UGT1A10: variants seen among roughly 807,000 people sequenced by gnomAD.
UGT1A10 encodes UDP glucuronosyltransferase family 1 member A10.
UGT1A10 carries 49 observed loss-of-function variants against 45.8 expected under a neutral mutation model. The observed-to-expected ratio is 1.07, with a 90% CI of 0.85 to 1.36. The LOEUF (loss-of-function observed/expected upper bound fraction) is 1.36. UGT1A10 is among the 40% of genes most tolerant of loss of function. The probability of loss-of-function intolerance (pLI) is 0.00; values close to 1 mark genes in which losing one functional copy is unlikely to be tolerated. For missense variants in UGT1A10, 745 were observed against 668.6 expected (o/e 1.11, Z -1.26); for synonymous variants, 284 against 249.7 (o/e 1.14, Z -1.29).
intron 1 of UGT1A10, among the ~76,000 whole-genome samples, chr2:233,724,420 G>A (rs1396792043): frequency 4.4e-5 from 6 of 135,614 alleles, no homozygotes; most frequent in African/African-American, 1.4e-4. Flanking sequence ...GCTGCCGGGC[G>A]GAGAGGCTCC....
chr2:233,772,994 C>G lies in UGT1A10; in HGVS notation c.*435C>G, dbSNP rs1700561362. The G allele has an allele frequency of 1.2e-5, 3 of 254,612 alleles. No homozygotes were observed. Among genetic ancestry groups the G allele is most frequent in the Admixed American group, 5.0e-5 (1 of 19,886 alleles). The allele number at this position is 254,612 out of a possible 1,614,324, so 15.8% of individuals were successfully genotyped here. On this transcript the variant is annotated 3_prime_UTR_variant, in exon 5 of 5. Transcript: ENST00000344644. Reference sequence around the variant, plus strand: ...AACCAATAATGGTCAGTCCTCATCTCTGTCGTGCTTCATAGGTGCCACCTT... The same window carrying G: ...AACCAATAATGGTCAGTCCTCATCTGTGTCGTGCTTCATAGGTGCCACCTT...
At chr2:233,639,095 G>T (rs1337469752) in intron 1 of UGT1A10, among the ~76,000 whole-genome samples, 1 of 152,096 alleles carries the variant, frequency 6.6e-6, no homozygotes, top group Non-Finnish European at 1.5e-5. Flanking sequence ...GGCCTTTAAA[G>T]ATATAAAAAC....
rs1408103062 is a variant in UGT1A10 at position 233,767,311 on chromosome 2, TTTG to T, written c.987+154_987+156del. On this transcript the variant is annotated intron_variant, in intron 2 of 4. Coordinates refer to ENST00000344644, the MANE Select transcript of UGT1A10 (RefSeq NM_019075.4). The stretch of plus-strand genomic sequence containing the variant: ...CCCAACTATTAATCCAAAGGTTTTT[TTTG>T]TTGTTGTGGTTGTTGTCATTGTTTT... 34 of 1,514,266 alleles carry T rather than the reference TTTG, an allele frequency of 2.2e-5. No homozygotes were observed. In the African/African-American group the frequency reaches 2.9e-4, roughly 13 times the overall value. The allele number at this position is 1,514,266 out of a possible 1,614,324, so 93.8% of individuals were successfully genotyped here. A position where few individuals can be genotyped will look rare whatever the true frequency, so the allele number is the denominator to read the frequency against.
chr2:233,724,133 G>C (rs1298685512), intron 1 of UGT1A10, among the ~76,000 whole-genome samples: 1 of 34,684 alleles, frequency 2.9e-5, no homozygotes, highest in East Asian at 6.1e-4. Flanking sequence ...CTCACCTCCC[G>C]GACGGGGCGG....
rs192933567 is a variant in UGT1A10, at chr2:233,772,247, T to G, written c.1296-15T>G. On this transcript the variant is annotated splice_polypyrimidine_tract_variant and intron_variant, in intron 4 of 4. Transcript: ENST00000344644. ...ACAGGTGTTCCAGGCATAACGAAAC[T>G]GTCTTTGTGTTTAGTTACAAGGAGA... The G allele has an allele frequency of 2.9e-5, 47 of 1,614,208 alleles. No homozygotes were observed. The East Asian group carries it at 1.0e-3, about 35-fold the overall frequency.
chr2:233,750,986 G>T (rs1230774000), intron 1 of UGT1A10, among the ~76,000 whole-genome samples: 1 of 151,784 alleles, frequency 6.6e-6, no homozygotes, highest in Non-Finnish European at 1.5e-5. Flanking sequence ...TTGTGAGAAG[G>T]CGGCCACCAT....
Position 233,734,700 on chromosome 2 carries a change from T to TTG in UGT1A10, c.856-32334_856-32333insTG, listed in dbSNP as rs1319489997. Among the ~76,000 whole-genome samples the TTG allele has an allele frequency of 9.9e-3, 1,501 of 152,266 alleles. 21 individuals carry two copies. Among genetic ancestry groups the TTG allele is most frequent in the African/African-American group, 0.034 (1,432 of 41,556 alleles). ...ACTGATTTAAATGTGTCCCAGAGATTCTGGTATGTTGTGTCTTTGTTCTCG... is the reference window on the plus strand; with the variant it reads ...ACTGATTTAAATGTGTCCCAGAGATTTGCTGGTATGTTGTGTCTTTGTTCTCG... On this transcript the variant is annotated intron_variant, in intron 1 of 4. Coordinates refer to ENST00000344644, the MANE Select transcript of UGT1A10 (RefSeq NM_019075.4).
intron 1 of UGT1A10, among the ~76,000 whole-genome samples, chr2:233,738,047 C>A (rs1690670574): frequency 6.6e-6 from 1 of 152,068 alleles, no homozygotes; most frequent in Admixed American, 6.6e-5. Flanking sequence ...GTGTTGAGGA[C>A]AGGACATGGT....
At chr2:233,760,834 G>A in intron 1 of UGT1A10, 1 of 1,613,564 alleles carries the variant, frequency 6.2e-7, no homozygotes, top group Non-Finnish European at 8.5e-7. Flanking sequence ...GGAATTTGAG[G>A]CTACCCAGTG....
intron 1 of UGT1A10, chr2:233,747,639 G>A: frequency 6.3e-7 from 1 of 1,582,892 alleles, no homozygotes; most frequent in East Asian, 2.2e-5. Context: ...GCACCTGAAT[G>A]CTACTTCCTT....
At position 233,724,532 on chromosome 2, in the gene UGT1A10, G is replaced by A. The variant is rs1443471428; in HGVS notation, c.856-42502G>A. On this transcript the variant is annotated intron_variant, in intron 1 of 4. Transcript: ENST00000344644. ...CTCACCTCCCAGATGGGGTCTCGCCGGGCAGAGGCGCTCCTCACATCCCAG... is the reference window on the plus strand; with the variant it reads ...CTCACCTCCCAGATGGGGTCTCGCCAGGCAGAGGCGCTCCTCACATCCCAG... Among the ~76,000 whole-genome samples the A allele has an allele frequency of 4.9e-5, 6 of 123,286 alleles. No individual in the cohort carries two copies. In the East Asian group the frequency reaches 7.5e-4, roughly 15 times the overall value. 80.9% of individuals were successfully genotyped at this position (123,286 alleles called of 152,430 possible). A position where few individuals can be genotyped will look rare whatever the true frequency, so the allele number is the denominator to read the frequency against.
chr2:233,737,525 C>T (rs943562691), intron 1 of UGT1A10, among the ~76,000 whole-genome samples: 11 of 152,188 alleles, frequency 7.2e-5, no homozygotes, highest in African/African-American at 1.4e-4. Context: ...GGTGAGGCGA[C>T]GCCCTGCCCT....
chr2:233,673,182 C>G (rs920755799), intron 1 of UGT1A10, among the ~76,000 whole-genome samples: 3 of 152,082 alleles, frequency 2.0e-5, no homozygotes, highest in East Asian at 1.9e-4. Flanking sequence ...TATACAATAT[C>G]TAATGTAAAT....
chr2:233,768,258 T>C lies in UGT1A10; in HGVS notation c.1114T>C (p.Ser372Pro). 1 of 1,614,230 alleles carries C rather than the reference T, an allele frequency of 6.2e-7. No homozygotes were observed. The highest frequency in any genetic ancestry group is 8.5e-7 in the Non-Finnish European group (1 of 1,180,044). Residue 372 changes from serine (S) to proline (P), a missense_variant, in exon 4 of 5, where the codon TCC becomes CCC. By Grantham distance (74) the Ser-to-Pro change is moderately conservative. Coordinates refer to ENST00000344644, the MANE Select transcript of UGT1A10 (RefSeq NM_019075.4). ...MTRAFITHAG[S>P]HGVYESICNG... Reference sequence around the variant, plus strand: ...CCGTGCCTTTATCACCCATGCTGGTTCCCATGGTGTTTATGAAAGCATATG... The same window carrying C: ...CCGTGCCTTTATCACCCATGCTGGTCCCCATGGTGTTTATGAAAGCATATG...
intron 1 of UGT1A10, among the ~76,000 whole-genome samples, chr2:233,653,717 C>G (rs935970884): frequency 6.6e-6 from 1 of 152,186 alleles, no homozygotes; most frequent in Non-Finnish European, 1.5e-5. Context: ...CTGCCTCAGC[C>G]TCCTGGGTAG....
chr2:233,744,129 A>C (rs1002862654), intron 1 of UGT1A10: 5 of 357,290 alleles, frequency 1.4e-5, no homozygotes, highest in African/African-American at 1.1e-4. Flanking sequence ...AGGCTCTGTG[A>C]GGCCCTGTGA....
intron 1 of UGT1A10, among the ~76,000 whole-genome samples, chr2:233,700,981 G>C (rs1279444700): frequency 6.7e-6 from 1 of 149,674 alleles, no homozygotes; most frequent in African/African-American, 2.5e-5. Flanking sequence ...TTGATTTTTT[G>C]TCCTTGCGAT....
chr2:233,739,953 G>A (rs1339008674), intron 1 of UGT1A10, among the ~76,000 whole-genome samples: 1 of 151,912 alleles, frequency 6.6e-6, no homozygotes, highest in Non-Finnish European at 1.5e-5. Context: ...CCTGGTGGGA[G>A]CTGATTGAAT....
chr2:233,650,237 T>C (rs2125475310), intron 1 of UGT1A10, among the ~76,000 whole-genome samples: 1 of 152,222 alleles, frequency 6.6e-6, no homozygotes, highest in East Asian at 1.9e-4. Flanking sequence ...CCCAAAGTGC[T>C]GGGATTACAG....
Sources: allele counts gnomAD v4.1 joint callset (sites outside exome capture counted in the v4.1 genomes callset), GRCh38; gene constraint gnomAD v4.1.1; transcripts MANE v1.5; gene names NCBI Gene and HGNC (gene_info 2026-07-23, HGNC 2026-07-21).